C15orf39: variants seen among roughly 807,000 people sequenced by gnomAD.
The protein encoded by C15orf39 is PRMT2 interacting protein.
In C15orf39, 24 loss-of-function variants were observed where a neutral mutation model predicts 53.9. The observed-to-expected ratio is 0.45, with a 90% CI of 0.32 to 0.63. The LOEUF (loss-of-function observed/expected upper bound fraction) is 0.63, where lower values mean the gene tolerates loss of function less well. C15orf39 is among the 20% of genes least tolerant of loss of function. C15orf39 has a pLI of 0.04. For synonymous variants in C15orf39, 569 were observed against 576.5 expected (o/e 0.99, Z 0.19); for missense variants, 1,271 against 1,347.9 (o/e 0.94, Z 0.89).
chr15:75,207,806 C>G lies in C15orf39; in HGVS notation c.1758C>G (p.Ser586=), dbSNP rs567415603. 1 of 1,612,204 alleles carries G rather than the reference C, an allele frequency of 6.2e-7. No individual in the cohort carries two copies. The highest frequency in any genetic ancestry group is 1.7e-5 in the Admixed American group (1 of 59,806). Residue 586 remains serine (S), a synonymous_variant, in exon 2 of 3, where the codon TCC becomes TCG. Transcript: ENST00000394987. The part of the protein sequence containing the change: ...LSVRKPTAEA[S]PVKASRSVEH... ...TGAGGAAGCCCACAGCAGAGGCCTCCCCTGTCAAGGCTTCCCGTTCTGTGG... is the reference window on the plus strand; with the variant it reads ...TGAGGAAGCCCACAGCAGAGGCCTCGCCTGTCAAGGCTTCCCGTTCTGTGG...
In C15orf39 at chr15:75,208,680, C is replaced by A; in HGVS notation, c.2632C>A (p.Leu878Met). The change falls in exon 2 of 3, where the codon CTG becomes ATG. Residue 878 changes from leucine to methionine, a missense_variant. Transcript: ENST00000394987. ...TCGTGTGGAGCTGCGGCCCACCACG[C>A]TGTCGGAGGAGCGGGCACTGCGGGA... ...EHRVELRPTT[L>M]SEERALRELA... 2 of 1,607,882 alleles carry A rather than the reference C, an allele frequency of 1.2e-6. No homozygotes were observed. Among genetic ancestry groups the A allele is most frequent in the Non-Finnish European group, 1.7e-6 (2 of 1,179,100 alleles).
upstream of C15orf39, among the ~76,000 whole-genome samples, chr15:75,201,522 G>C (rs2070400763): frequency 6.6e-6 from 1 of 152,246 alleles, no homozygotes; most frequent in African/African-American, 2.4e-5. The surrounding 1 kb of genome is among the most constrained non-coding windows in gnomAD (Gnocchi z 4.7). Flanking sequence ...CCTTTTCCAA[G>C]CTTACACCGC....
At chr15:75,209,242 C>T in intron 2 of C15orf39, 1 of 180,076 alleles carries the variant, frequency 5.6e-6, no homozygotes. Flanking sequence ...TAACCCACTG[C>T]ATGCTGGGCC....
At chr15:75,204,501 G>GT (rs2141596223) in intron 1 of C15orf39, among the ~76,000 whole-genome samples, 1 of 151,008 alleles carries the variant, frequency 6.6e-6, no homozygotes, top group Admixed American at 6.6e-5. Flanking sequence ...TTTTTGTTTT[G>GT]TTTTTTGTTT....
intron 1 of C15orf39, chr15:75,202,346 G>A (rs2070409382): frequency 6.6e-6 from 1 of 152,374 alleles, no homozygotes; most frequent in South Asian, 2.1e-4. Flanking sequence ...CTAATCTGGC[G>A]AGAAGGAACT....
At chr15:75,210,660 G>A in intron 2 of C15orf39, 89 bp from the exon 3 acceptor site, 1 of 1,502,380 alleles carries the variant, frequency 6.7e-7, no homozygotes, top group African/African-American at 1.4e-5. Flanking sequence ...TTGGGGCAGA[G>A]CAGAAGCACT....
At chr15:75,205,732 C>T (rs1389326570) in intron 1 of C15orf39, among the ~76,000 whole-genome samples, 2 of 152,100 alleles carry the variant, frequency 1.3e-5, no homozygotes, top group Non-Finnish European at 2.9e-5. Context: ...GGGAGAATCA[C>T]TTGAGCCCAG....
In C15orf39 at chr15:75,207,283, C is replaced by T. The variant is rs537106521; in HGVS notation, c.1235C>T (p.Ala412Val). ...GTGCGGGCTGTGCCACAGCCTGGTG[C>T]CTTCCAGAGGGCATGCCAGCCTTTG... ...NNVRAVPQPGAFQRACQPLPA... is the reference protein window; with the variant it reads ...NNVRAVPQPGVFQRACQPLPA... The change falls in exon 2 of 3, where the codon GCC becomes GTC. Residue 412 changes from alanine to valine, a missense_variant. Ala to Val is a moderately conservative substitution (Grantham distance 64). Coordinates refer to ENST00000394987, the MANE Select transcript of C15orf39 (RefSeq NM_015492.5). 6.2e-7 allele frequency: 1 copy of T among 1,613,458 alleles called. No homozygotes were observed. Among genetic ancestry groups the T allele is most frequent in the Admixed American group, 1.7e-5 (1 of 60,004 alleles).
At position 75,206,003 on chromosome 15, in the gene C15orf39, G is replaced by A; in HGVS notation, c.-46G>A. On this transcript the variant is annotated 5_prime_UTR_variant, in exon 2 of 3. Transcript: ENST00000394987. ...GCCTTTCTCTCTCTATCCCAGGTCAGAAGTTGAGTAGCAGGGGCCTAGGAG... is the reference window on the plus strand; with the variant it reads ...GCCTTTCTCTCTCTATCCCAGGTCAAAAGTTGAGTAGCAGGGGCCTAGGAG... The A allele has an allele frequency of 6.7e-7, 1 of 1,491,796 alleles. No homozygotes were observed. Among genetic ancestry groups the A allele is most frequent in the African/African-American group, 1.4e-5 (1 of 71,100 alleles). The allele number at this position is 1,491,796 out of a possible 1,614,324, so 92.4% of individuals were successfully genotyped here. A position where few individuals can be genotyped will look rare whatever the true frequency, so the allele number is the denominator to read the frequency against.
In C15orf39 at chr15:75,207,986, T is replaced by A; in HGVS notation, c.1938T>A (p.Ser646=). The A allele has an allele frequency of 6.2e-7, 1 of 1,614,010 alleles. No individual in the cohort carries two copies. Among genetic ancestry groups the A allele is most frequent in the Non-Finnish European group, 8.5e-7 (1 of 1,180,032 alleles). The stretch of plus-strand genomic sequence containing the variant: ...TGCCAAGGACCAACTTCCACAGCTC[T>A]GTGGCCTTCATGTTCCGAAAGTTCA... The part of the protein sequence containing the change: ...DAMPRTNFHS[S]VAFMFRKFKI... Residue 646 remains serine (S), a synonymous_variant, in exon 2 of 3, where the codon TCT becomes TCA. Transcript: ENST00000394987.
rs778866464 is a variant in C15orf39, at chr15:75,205,880, G to A, written c.-50-119G>A. ...CTCATGCACTCACAGTCTTAACTGA[G>A]CATCATTTAAGCGCCAGGTTCTTAG... On this transcript the variant is annotated intron_variant, in intron 1 of 2. Transcript: ENST00000394987. The A allele has an allele frequency of 2.5e-4, 168 of 674,558 alleles. 1 individual carries two copies. Among genetic ancestry groups the A allele is most frequent in the Non-Finnish European group, 3.6e-4 (147 of 407,330 alleles). 41.8% of individuals were successfully genotyped at this position (674,558 alleles called of 1,614,324 possible).
At chr15:75,208,983 C>T (rs746614273) in intron 2 of C15orf39, 159 bp downstream of exon 2, 18 of 1,259,608 alleles carry the variant, frequency 1.4e-5, no homozygotes, top group Non-Finnish European at 1.9e-5. Flanking sequence ...ACCCCTTGAC[C>T]CTCCAGACAA....
In C15orf39 at chr15:75,207,018, T is replaced by C. The variant is rs1340088480; in HGVS notation, c.970T>C (p.Tyr324His). 2.5e-6 allele frequency: 4 copies of C among 1,605,352 alleles called. No individual in the cohort carries two copies. The highest frequency in any genetic ancestry group is 3.4e-6 in the Non-Finnish European group (4 of 1,175,956). The stretch of plus-strand genomic sequence containing the variant: ...CCAGGCTGGTGGGCTGGGCAGCCCC[T>C]ACCTGAGGCAGCAGGCAGCCCAGGC... Reference protein sequence around the residue: ...GYQAGGLGSPYLRQQAAQAPY... With the variant: ...GYQAGGLGSPHLRQQAAQAPY... Residue 324 changes from tyrosine to histidine, a missense_variant, in exon 2 of 3, where the codon TAC (tyrosine) becomes CAC (histidine). Tyr to His is a moderately conservative substitution (Grantham distance 83). This residue lies in a region of C15orf39 where 994 missense variants were observed against 993.7 expected (regional missense o/e 1.00). Transcript: ENST00000394987.
intron 1 of C15orf39, among the ~76,000 whole-genome samples, chr15:75,203,046 G>C (rs1480952752): frequency 6.6e-6 from 1 of 152,262 alleles, no homozygotes; most frequent in Non-Finnish European, 1.5e-5. Flanking sequence ...AGCGTCTGGA[G>C]AGCCCAGAGC....
In C15orf39 at chr15:75,207,173, A is replaced by C; in HGVS notation, c.1125A>C (p.Thr375=). The C allele has an allele frequency of 6.2e-7, 1 of 1,613,528 alleles. No individual in the cohort carries two copies. The highest frequency in any genetic ancestry group is 8.5e-7 in the Non-Finnish European group (1 of 1,179,896). Residue 375 remains threonine (T), a synonymous_variant, in exon 2 of 3, where the codon ACA becomes ACC. Transcript: ENST00000394987. The part of the protein sequence containing the change: ...PRCPLDFAPQ[T]LSFPYARDDL... ...GCCCATTGGACTTTGCCCCCCAGAC[A>C]CTGAGTTTTCCTTATGCCCGGGATG...
chr15:75,201,186 A>G (rs7161993), upstream of C15orf39, among the ~76,000 whole-genome samples: 1,458 of 152,134 alleles, frequency 9.6e-3, 23 homozygotes, highest in African/African-American at 0.034. This position sits in a 1 kb window ranked among gnomAD's most constrained non-coding sequence, Gnocchi z 4.7. Flanking sequence ...TCCCCCCTCC[A>G]GCCTCTCTTT....
Position 75,211,958 on chromosome 15 carries a change from C to T in C15orf39, c.*842C>T, listed in dbSNP as rs2070486904. 1 of 152,214 alleles carries T rather than the reference C, an allele frequency of 6.6e-6. No individual in the cohort carries two copies. The highest frequency in any genetic ancestry group is 6.5e-5 in the Admixed American group (1 of 15,290). The allele number at this position is 152,214 out of a possible 1,614,324, so 9.4% of individuals were successfully genotyped here. A position where few individuals can be genotyped will look rare whatever the true frequency, so the allele number is the denominator to read the frequency against. On this transcript the variant is annotated 3_prime_UTR_variant, in exon 3 of 3. Transcript: ENST00000394987. Reference sequence around the variant, plus strand: ...GGACTGGTGCAGGTAGGCTGAGTGGCAGCTCAGTCCTAGAAGGTCTCTGAA... The same window carrying T: ...GGACTGGTGCAGGTAGGCTGAGTGGTAGCTCAGTCCTAGAAGGTCTCTGAA...
In C15orf39 at chr15:75,208,285, C is replaced by A. The variant is rs768815399; in HGVS notation, c.2237C>A (p.Ala746Asp). Residue 746 changes from alanine (A) to aspartate (D), a missense_variant, in exon 2 of 3, where the codon GCT (alanine) becomes GAT (aspartate). Ala to Asp is a moderately radical substitution (Grantham distance 126). Transcript: ENST00000394987. ...GCCCGGGATCCAGCTCCAGCTCCAG[C>A]TCCAGTTGCAGGCCCTGCTCCAGCA... ...ASARDPAPAP[A>D]PVAGPAPAST... 5.7e-6 allele frequency: 9 copies of A among 1,582,828 alleles called. No homozygotes were observed. Among genetic ancestry groups the A allele is most frequent in the Middle Eastern group, 3.3e-4 (2 of 6,024 alleles).
At chr15:75,199,423 G>A (rs2141591820), upstream of C15orf39, among the ~76,000 whole-genome samples, 1 of 152,296 alleles carries the variant, frequency 6.6e-6, no homozygotes, top group Non-Finnish European at 1.5e-5. Context: ...AGGGGGCATT[G>A]CTGTGTGTCT....
Sources: allele counts gnomAD v4.1 joint callset (sites outside exome capture counted in the v4.1 genomes callset), GRCh38; gene constraint gnomAD v4.1.1; regional missense constraint gnomAD v4.1.1; non-coding constraint Gnocchi (gnomAD v3.1); transcripts MANE v1.5; gene names NCBI Gene and HGNC (gene_info 2026-07-23, HGNC 2026-07-21).